The following NTNG1 variants were observed in gnomAD, a reference collection of about 807,000 sequenced individuals.
The protein encoded by NTNG1 is netrin-G1.
Under a neutral mutation model 54.0 loss-of-function variants are expected in NTNG1, and 16 were observed. The observed-to-expected ratio is 0.30, with a 90% CI of 0.20 to 0.45. NTNG1 has a LOEUF of 0.45. Ranked by LOEUF, NTNG1 falls within the 20% of genes least tolerant of loss-of-function variation. The pLI, the probability that NTNG1 is intolerant of heterozygous loss-of-function variation, is 1.00. For synonymous variants in NTNG1, 255 were observed against 263.1 expected (o/e 0.97, Z 0.30); for missense variants, 530 against 678.7 (o/e 0.78, Z 2.43).
intron 2 of NTNG1, among the ~76,000 whole-genome samples, chr1:107,258,039 G>A (rs1663038228): frequency 6.6e-6 from 1 of 152,126 alleles, no homozygotes; most frequent in African/African-American, 2.4e-5. Context: ...TTTTGGACAT[G>A]TAGGATTAAA....
chr1:107,371,081 C>T (rs537776275), intron 3 of NTNG1, among the ~76,000 whole-genome samples: 2 of 152,110 alleles, frequency 1.3e-5, no homozygotes, highest in East Asian at 3.9e-4. Flanking sequence ...TGTCTTTGAC[C>T]ATTAAGTGAA....
intron 5 of NTNG1, chr1:107,418,655 T>C (rs770151859): frequency 9.5e-6 from 15 of 1,574,014 alleles, no homozygotes; most frequent in Non-Finnish European, 1.3e-5. Flanking sequence ...GGTAGGAGCA[T>C]GTAAAATTCC....
In NTNG1 at chr1:107,438,700, C is replaced by G. The variant is rs1675762886; in HGVS notation, c.1390+1901C>G. Among the ~76,000 whole-genome samples the G allele has an allele frequency of 2.6e-5, 4 of 152,112 alleles. No individual in the cohort carries two copies. The South Asian group carries it at 8.3e-4, about 32-fold the overall frequency. Reference sequence around the variant, plus strand: ...TTGCTGGAGTGTACTCAGGGTAAGACTTGGGAGAGGAAAATAAGTCAATCC... The same window carrying G: ...TTGCTGGAGTGTACTCAGGGTAAGAGTTGGGAGAGGAAAATAAGTCAATCC... On this transcript the variant is annotated intron_variant, in intron 7 of 7. Coordinates refer to ENST00000370068, the MANE Select transcript of NTNG1 (RefSeq NM_001113226.3).
intron 3 of NTNG1, among the ~76,000 whole-genome samples, chr1:107,367,294 A>T (rs1670657262): frequency 6.6e-6 from 1 of 152,090 alleles, no homozygotes; most frequent in Non-Finnish European, 1.5e-5. Flanking sequence ...TAAATACAAG[A>T]CCCTGAGAAA....
At chr1:107,321,871 G>A (rs537802130) in intron 2 of NTNG1, among the ~76,000 whole-genome samples, 5 of 152,060 alleles carry the variant, frequency 3.3e-5, no homozygotes, top group Middle Eastern at 3.4e-3. Context: ...CCAGGGAAGG[G>A]GTAAGAGGCA....
chr1:107,333,309 G>A (rs1281840632), intron 3 of NTNG1, among the ~76,000 whole-genome samples: 4 of 151,978 alleles, frequency 2.6e-5, no homozygotes, highest in African/African-American at 7.2e-5. Context: ...CATAATCAGA[G>A]TCTCCTCATC....
Position 107,324,891 on chromosome 1 carries a change from T to C in NTNG1, c.856T>C (p.Tyr286His). ...VDELHLARYF[Y>H]AISDIKVRGR... ...TGAGCTACACTTGGCACGCTACTTT[T>C]ACGCGATCTCAGACATAAAGGTGCG... The change falls in exon 3 of 8, where the codon TAC becomes CAC. Residue 286 changes from tyrosine (Y) to histidine (H), a missense_variant. Around this residue, in one of 2 missense-constraint regions of NTNG1, gnomAD observed 318 missense variants for 465.1 expected, o/e 0.68. Transcript: ENST00000370068. 6.2e-7 allele frequency: 1 copy of C among 1,612,802 alleles called. No individual in the cohort carries two copies. Among genetic ancestry groups the C allele is most frequent in the African/African-American group, 1.3e-5 (1 of 74,988 alleles).
At chr1:107,205,514 G>C (rs780801393) in intron 2 of NTNG1, among the ~76,000 whole-genome samples, 1 of 151,956 alleles carries the variant, frequency 6.6e-6, no homozygotes, top group African/African-American at 2.4e-5. Context: ...ATTGTTAAAA[G>C]TTTGGACCAG....
At chr1:107,418,271 A>G (rs1454318202) in intron 5 of NTNG1, among the ~76,000 whole-genome samples, 4 of 152,096 alleles carry the variant, frequency 2.6e-5, no homozygotes, top group Non-Finnish European at 5.9e-5. Context: ...CCAGCTTTAC[A>G]TAATGGTTTG....
chr1:107,198,303 T>C (rs1318023920), intron 2 of NTNG1, among the ~76,000 whole-genome samples: 1 of 151,914 alleles, frequency 6.6e-6, no homozygotes, highest in Non-Finnish European at 1.5e-5. Context: ...CAGGATTAAG[T>C]AGGGAATGGA....
intron 2 of NTNG1, among the ~76,000 whole-genome samples, chr1:107,157,686 G>A (rs767823575): frequency 2.6e-5 from 4 of 151,596 alleles, no homozygotes; most frequent in Non-Finnish European, 5.9e-5. Context: ...TTATTGAGAG[G>A]GTTGATTTTT....
chr1:107,459,297 T>G (rs1396680396), intron 7 of NTNG1, among the ~76,000 whole-genome samples: 1 of 152,182 alleles, frequency 6.6e-6, no homozygotes, highest in Non-Finnish European at 1.5e-5. Flanking sequence ...AAACTCAGGT[T>G]CTGTTGTGTT....
intron 2 of NTNG1, among the ~76,000 whole-genome samples, chr1:107,224,574 A>C (rs1344099606): frequency 6.6e-6 from 1 of 152,102 alleles, no homozygotes; most frequent in Non-Finnish European, 1.5e-5. Context: ...ATCTGAGAAG[A>C]AGCTATTTGA....
intron 2 of NTNG1, among the ~76,000 whole-genome samples, chr1:107,266,193 T>C (rs188516953): frequency 1.2e-4 from 19 of 152,290 alleles, no homozygotes; most frequent in East Asian, 1.2e-3. Flanking sequence ...ATCACTTGAA[T>C]AGTGAATATG....
At chr1:107,431,024 C>T (rs1026663909) in intron 6 of NTNG1, 107 bp downstream of exon 6, 1 of 961,500 alleles carries the variant, frequency 1.0e-6, no homozygotes, top group African/African-American at 1.6e-5. Context: ...CCAGAATGAA[C>T]TTTCTCAATG....
chr1:107,436,308 T>C (rs1474246822), intron 6 of NTNG1, among the ~76,000 whole-genome samples: 1 of 152,218 alleles, frequency 6.6e-6, no homozygotes, highest in East Asian at 1.9e-4. Context: ...TTAAAACACA[T>C]TTTACACTGA....
At chr1:107,154,209 T>G (rs1463983123) in intron 2 of NTNG1, among the ~76,000 whole-genome samples, 1 of 152,080 alleles carries the variant, frequency 6.6e-6, no homozygotes, top group Non-Finnish European at 1.5e-5. Context: ...AGGTGAAATA[T>G]TATTTTGCAA....
chr1:107,177,464 A>C (rs370000743), intron 2 of NTNG1, among the ~76,000 whole-genome samples: 2 of 151,852 alleles, frequency 1.3e-5, no homozygotes, highest in Non-Finnish European at 2.9e-5. Context: ...CCTCTTGAGT[A>C]GCTGGAATTG....
chr1:107,419,822 C>G lies in NTNG1; in HGVS notation c.1088-10928C>G, dbSNP rs149241199. Among the ~76,000 whole-genome samples the G allele has an allele frequency of 1.6e-3, 239 of 152,054 alleles. 1 individual carries two copies. Among genetic ancestry groups the G allele is most frequent in the African/African-American group, 5.2e-3 (215 of 41,528 alleles). On this transcript the variant is annotated intron_variant, in intron 5 of 7. Coordinates refer to ENST00000370068, the MANE Select transcript of NTNG1 (RefSeq NM_001113226.3). Reference sequence around the variant, plus strand: ...AAGGGCTGCATTTTCAGTCCTTGATCAGAGTGATGAAATCTAGACTGTCCT... The same window carrying G: ...AAGGGCTGCATTTTCAGTCCTTGATGAGAGTGATGAAATCTAGACTGTCCT...
Sources: gnomAD v4.1 joint callset for allele counts (sites outside exome capture counted in the v4.1 genomes callset) on GRCh38, gnomAD v4.1.1 for gene constraint, gnomAD v4.1.1 regional missense constraint, MANE v1.5 for transcripts, NCBI Gene and HGNC (gene_info 2026-07-23, HGNC 2026-07-21) for gene names.